The following TMEM232 variants were observed in gnomAD, a reference collection of about 807,000 sequenced individuals.
TMEM232 encodes transmembrane protein 232.
Under a neutral mutation model 78.8 loss-of-function variants are expected in TMEM232, and 80 were observed. That is an observed-to-expected ratio of 1.01 (90% CI 0.85 to 1.22). TMEM232 has a LOEUF of 1.22. Ranked by LOEUF, TMEM232 falls within the 50% of genes most tolerant of loss-of-function variation. The probability of loss-of-function intolerance (pLI) is 0.00; values close to 1 mark genes in which losing one functional copy is unlikely to be tolerated. For missense variants in TMEM232, 881 were observed against 742.2 expected (o/e 1.19, Z -2.17); for synonymous variants, 297 against 254.3 (o/e 1.17, Z -1.60).
chr5:110,546,387 T>C (rs1426541108), intron 11 of TMEM232, among the ~76,000 whole-genome samples: 3 of 152,100 alleles, frequency 2.0e-5, no homozygotes, highest in Non-Finnish European at 2.9e-5. Flanking sequence ...ATAAATTGCA[T>C]ATTTATTTTA....
intron 12 of TMEM232, among the ~76,000 whole-genome samples, chr5:110,467,889 G>A (rs1316556538): frequency 1.3e-5 from 2 of 148,172 alleles, no homozygotes; most frequent in Admixed American, 6.7e-5. Context: ...TTCTTTTGTT[G>A]TTTGTTTTGG....
intron 11 of TMEM232, among the ~76,000 whole-genome samples, chr5:110,538,945 T>C (rs1348340873): frequency 2.0e-5 from 3 of 152,174 alleles, no homozygotes; most frequent in South Asian, 2.1e-4. Flanking sequence ...CTCCTTTGAT[T>C]TGTCAATTTG....
intron 5 of TMEM232, among the ~76,000 whole-genome samples, chr5:110,633,289 G>A (rs1263192432): frequency 6.6e-6 from 1 of 151,934 alleles, no homozygotes; most frequent in Non-Finnish European, 1.5e-5. Flanking sequence ...GAAAACATAC[G>A]AAAGTATAAA....
At chr5:110,438,068 T>C (rs542823478) in intron 12 of TMEM232, among the ~76,000 whole-genome samples, 5 of 152,204 alleles carry the variant, frequency 3.3e-5, no homozygotes, top group African/African-American at 1.2e-4. Flanking sequence ...CTTTCTAACA[T>C]TTCTTGTATT....
At position 110,467,097 on chromosome 5, in the gene TMEM232, A is replaced by C. The variant is rs370400234; in HGVS notation, c.1704-42181T>G. ...TAATCAGAAAAAAAATTTAAAGAAG[A>C]TGGACGGCAGACCAATATGTCTACC... On this transcript the variant is annotated intron_variant, in intron 12 of 13. Transcript: ENST00000455884. Among the ~76,000 whole-genome samples, 22 of 152,284 alleles carry C rather than the reference A, an allele frequency of 1.4e-4. No homozygotes were observed. In the East Asian group the frequency reaches 2.7e-3, roughly 19 times the overall value.
chr5:110,697,382 G>A (rs2150253936), intron 1 of TMEM232, among the ~76,000 whole-genome samples: 1 of 152,270 alleles, frequency 6.6e-6, no homozygotes. Context: ...CAGGACATAG[G>A]CATGGGCAAG....
chr5:110,581,168 C>T (rs1231377629), intron 10 of TMEM232, among the ~76,000 whole-genome samples: 1 of 151,602 alleles, frequency 6.6e-6, no homozygotes, highest in East Asian at 1.9e-4. Flanking sequence ...AAACACAATT[C>T]TAAAATTCAT....
chr5:110,396,656 A>C (rs1272525894), intron 3 of TMEM232, among the ~76,000 whole-genome samples: 1 of 152,154 alleles, frequency 6.6e-6, no homozygotes, highest in South Asian at 2.1e-4. Flanking sequence ...AATAATAAAA[A>C]ATGCAGCCAT....
chr5:110,544,067 A>G (rs1198716137), intron 11 of TMEM232, among the ~76,000 whole-genome samples: 1 of 152,178 alleles, frequency 6.6e-6, no homozygotes, highest in African/African-American at 2.4e-5. Flanking sequence ...AATGAACATT[A>G]TCTCAAACAC....
intron 10 of TMEM232, among the ~76,000 whole-genome samples, chr5:110,585,271 C>A (rs1287954004): frequency 1.3e-5 from 2 of 152,058 alleles, no homozygotes; most frequent in African/African-American, 2.4e-5. Context: ...TGAACATGTA[C>A]AGGGCTAGAT....
chr5:110,634,921 A>C (rs1785597719), intron 5 of TMEM232, among the ~76,000 whole-genome samples: 1 of 152,026 alleles, frequency 6.6e-6, no homozygotes, highest in African/African-American at 2.4e-5. Context: ...TTTTTTAAAG[A>C]TAAAATTGAT....
At chr5:110,538,836 G>A (rs1404975804) in intron 11 of TMEM232, among the ~76,000 whole-genome samples, 1 of 151,728 alleles carries the variant, frequency 6.6e-6, no homozygotes, top group Non-Finnish European at 1.5e-5. Flanking sequence ...TGATACAGAA[G>A]CAAATTACTC....
chr5:110,454,902 T>C (rs974122042), intron 12 of TMEM232, among the ~76,000 whole-genome samples: 25 of 119,242 alleles, frequency 2.1e-4, no homozygotes, highest in Non-Finnish European at 4.2e-4. Context: ...TCCTTGTTCT[T>C]CGTAAAGATT....
Position 110,419,844 on chromosome 5 carries a change from A to C in TMEM232, c.*736T>G, listed in dbSNP as rs1022573063. Among the ~76,000 whole-genome samples the C allele has an allele frequency of 6.6e-6, 1 of 152,148 alleles. No individual in the cohort carries two copies. Among genetic ancestry groups the C allele is most frequent in the Admixed American group, 6.6e-5 (1 of 15,266 alleles). Reference sequence around the variant, plus strand: ...CTATTACTCTTACTCATAGGTTCAGAACTTCAGATGAAGTGAAGTTCCATT... The same window carrying C: ...CTATTACTCTTACTCATAGGTTCAGCACTTCAGATGAAGTGAAGTTCCATT... On this transcript the variant is annotated 3_prime_UTR_variant, in exon 14 of 14. Transcript: ENST00000455884.
At chr5:110,687,734 GTA>G (rs1229840826) in intron 1 of TMEM232, among the ~76,000 whole-genome samples, 2 of 151,870 alleles carry the variant, frequency 1.3e-5, no homozygotes, top group African/African-American at 2.4e-5. Context: ...ACATGTGTGT[GTA>G]TATACACACA....
intron 1 of TMEM232, among the ~76,000 whole-genome samples, chr5:110,707,655 C>G (rs1180464858): frequency 6.6e-6 from 1 of 152,194 alleles, no homozygotes; most frequent in East Asian, 1.9e-4. Flanking sequence ...TAGAGTGGCA[C>G]CAGCCTAGAG....
At chr5:110,736,155 T>C (rs1034077067) in intron 1 of TMEM232, among the ~76,000 whole-genome samples, 5 of 152,352 alleles carry the variant, frequency 3.3e-5, no homozygotes, top group Middle Eastern at 3.4e-3. Context: ...TCCTGTGTTA[T>C]GAGTTTCTCA....
intron 12 of TMEM232, among the ~76,000 whole-genome samples, chr5:110,520,035 A>ATG (rs202067197): frequency 0.021 from 3,047 of 145,106 alleles, 71 homozygotes; most frequent in African/African-American, 0.062. Flanking sequence ...TTATATATTT[A>ATG]TGTATATATA....
At chr5:110,667,094 C>G in intron 2 of TMEM232, 134 bp downstream of exon 2, 1 of 663,442 alleles carries the variant, frequency 1.5e-6, no homozygotes, top group Non-Finnish European at 2.4e-6. Flanking sequence ...ATAAACAAGG[C>G]TATTAAACAA....
Sources: allele counts gnomAD v4.1 joint callset (sites outside exome capture counted in the v4.1 genomes callset), GRCh38; gene constraint gnomAD v4.1.1; transcripts MANE v1.5; gene names NCBI Gene and HGNC (gene_info 2026-07-23, HGNC 2026-07-21).